ZNF135: variants seen among roughly 807,000 people sequenced by gnomAD.
The protein encoded by ZNF135 is zinc finger protein 135 (clone pHZ-17).
A neutral mutation model predicts 12.3 loss-of-function variants in ZNF135; 11 were observed. The observed-to-expected ratio is 0.89, with a 90% CI of 0.56 to 1.48. The LOEUF is 1.48. Ranked by LOEUF, ZNF135 falls within the 40% of genes most tolerant of loss-of-function variation. The pLI is 0.00. For synonymous variants in ZNF135, 316 were observed against 312.0 expected (o/e 1.01, Z -0.14); for missense variants, 722 against 815.7 (o/e 0.89, Z 1.40).
rs775668152 is a variant in ZNF135, at chr19:58,067,240, G to T, written c.756G>T (p.Arg252=). Residue 252 remains arginine (R), a synonymous_variant, in exon 5 of 5, where the codon CGG becomes CGT. Coordinates refer to ENST00000313434, the MANE Select transcript of ZNF135 (RefSeq NM_001289401.2). ...YECHECLKGF[R]NSSALTKHQR... ...GTCACGAATGCTTAAAAGGCTTCCG[G>T]AACAGCTCGGCACTTACCAAACACC... is the stretch of plus-strand genomic sequence containing the variant. The T allele has an allele frequency of 4.3e-6, 7 of 1,614,090 alleles. No individual in the cohort carries two copies. The Admixed American group carries it at 8.3e-5, about 19-fold the overall frequency.
intron 4 of ZNF135, among the ~76,000 whole-genome samples, chr19:58,064,574 C>T (rs2074035680): frequency 6.6e-6 from 1 of 152,008 alleles, no homozygotes; most frequent in Non-Finnish European, 1.5e-5. Context: ...TTATATAATA[C>T]ATATACAAAA....
rs903591035 is a variant in ZNF135 at position 58,059,382 on chromosome 19, G to A, written c.-35+72G>A. ...GGCCGGGCCGGGTGCGGGGGGTCCG[G>A]GGATCTTCCTGAGGCCCTGGCGGGG... is the stretch of plus-strand genomic sequence containing the variant. On this transcript the variant is annotated intron_variant, in intron 1 of 4. Coordinates refer to ENST00000313434, the MANE Select transcript of ZNF135 (RefSeq NM_001289401.2). The surrounding 1 kb of genome is among the most constrained non-coding windows in gnomAD (Gnocchi z 6.5). The A allele has an allele frequency of 1.3e-5, 11 of 837,356 alleles. No homozygotes were observed. The highest frequency in any genetic ancestry group is 6.9e-6 in the Non-Finnish European group (4 of 578,492). The allele number at this position is 837,356 out of a possible 1,614,324, so 51.9% of individuals were successfully genotyped here.
intron 3 of ZNF135, 110 bp downstream of exon 3, chr19:58,061,816 T>A: frequency 7.2e-7 from 1 of 1,389,274 alleles, no homozygotes; most frequent in Non-Finnish European, 9.6e-7. Flanking sequence ...CCTGGGGCTG[T>A]ATGTCTTGGG....
rs529238140 is a variant in ZNF135, at chr19:58,060,593, C to T, written c.33+558C>T. ...TCAGACGTCATGGAGGCCAAGGGGG[C>T]GGAACTCGCCTTTTTATGATGACAT... On this transcript the variant is annotated intron_variant, in intron 2 of 4. Transcript: ENST00000313434. This position sits in a 1 kb window ranked among gnomAD's most constrained non-coding sequence, Gnocchi z 4.9. Among the ~76,000 whole-genome samples the T allele has an allele frequency of 5.3e-5, 8 of 152,282 alleles. No homozygotes were observed. The highest frequency in any genetic ancestry group is 2.0e-4 in the Admixed American group (3 of 15,302).
At position 58,063,484 on chromosome 19, in the gene ZNF135, G is replaced by C; in HGVS notation, c.199G>C (p.Glu67Gln). The C allele has an allele frequency of 6.2e-7, 1 of 1,614,158 alleles. No individual in the cohort carries two copies. The highest frequency in any genetic ancestry group is 8.5e-7 in the Non-Finnish European group (1 of 1,180,020). ...LPKPNVISLL[E>Q]QEAELWAVES... Reference sequence around the variant, plus strand: ...GAAGCCGAATGTCATCTCCCTGCTGGAGCAAGAGGCAGAGCTGTGGGCGGT... The same window carrying C: ...GAAGCCGAATGTCATCTCCCTGCTGCAGCAAGAGGCAGAGCTGTGGGCGGT... The change falls in exon 4 of 5, where the codon GAG (glutamate) becomes CAG (glutamine). Residue 67 changes from glutamate to glutamine, a missense_variant. Physicochemically the swap from Glu to Gln is conservative, Grantham distance 29. Coordinates refer to ENST00000313434, the MANE Select transcript of ZNF135 (RefSeq NM_001289401.2). This position sits in a 1 kb window ranked among gnomAD's most constrained non-coding sequence, Gnocchi z 4.4.
At position 58,065,410 on chromosome 19, in the gene ZNF135, T is replaced by C. The variant is rs1445743366; in HGVS notation, c.257-1331T>C. 1.3e-5 allele frequency among the ~76,000 whole-genome samples: 2 copies of C among 152,162 alleles called. No homozygotes were observed. Among genetic ancestry groups the C allele is most frequent in the Admixed American group, 6.5e-5 (1 of 15,276 alleles). ...AAGGTCTCATCATTTTGCCCAGGCA[T>C]GTCTTGAACTCTTAGGCTCAAGGAG... On this transcript the variant is annotated intron_variant, in intron 4 of 4. Coordinates refer to ENST00000313434, the MANE Select transcript of ZNF135 (RefSeq NM_001289401.2). The surrounding 1 kb of genome is among the most constrained non-coding windows in gnomAD (Gnocchi z 4.0).
At position 58,067,515 on chromosome 19, in the gene ZNF135, A is replaced by T; in HGVS notation, c.1031A>T (p.His344Leu). The T allele has an allele frequency of 3.7e-6, 6 of 1,614,076 alleles. No individual in the cohort carries two copies. In the African/African-American group the frequency reaches 5.3e-5, roughly 14 times the overall value. The change falls in exon 5 of 5, where the codon CAT becomes CTT. Residue 344 changes from histidine to leucine, a missense_variant. Coordinates refer to ENST00000313434, the MANE Select transcript of ZNF135 (RefSeq NM_001289401.2). ...AFRQSIHLTQ[H>L]LRIHTGEKPY... is the part of the protein sequence containing the mutation. ...CGGCAAAGCATCCACCTCACCCAGC[A>T]TCTGCGAATCCACACTGGGGAGAAA...
Position 58,059,332 on chromosome 19 carries a change from G to C in ZNF135, c.-35+22G>C, listed in dbSNP as rs756552892. ...GAGGGTGAGCTAGGCCGGCGAGGAG[G>C]GGGAGGGGAGGCCAGGCCGGGCCGG... On this transcript the variant is annotated intron_variant, in intron 1 of 4. Transcript: ENST00000313434. The surrounding 1 kb of genome is among the most constrained non-coding windows in gnomAD (Gnocchi z 6.5). The C allele has an allele frequency of 2.2e-5, 34 of 1,521,830 alleles. No homozygotes were observed. Among genetic ancestry groups the C allele is most frequent in the Admixed American group, 9.6e-5 (5 of 51,870 alleles). The allele number at this position is 1,521,830 out of a possible 1,614,324, so 94.3% of individuals were successfully genotyped here.
intron 4 of ZNF135, among the ~76,000 whole-genome samples, chr19:58,066,303 C>T (rs771315436): frequency 2.6e-5 from 4 of 152,160 alleles, no homozygotes; most frequent in Admixed American, 6.5e-5. Flanking sequence ...CCATGCAGCA[C>T]GTTTTTCTCT....
At position 58,067,614 on chromosome 19, in the gene ZNF135, CAG is replaced by C. The variant is rs764804849; in HGVS notation, c.1131_1132del (p.Lys380AlafsTer6). ...TTGACCAAACACCAGCGAATCCACA[CAG>C]GGGAGAAGCCCTACGAGTGCCATGA... On this transcript the variant is annotated frameshift_variant, in exon 5 of 5. Coordinates refer to ENST00000313434, the MANE Select transcript of ZNF135 (RefSeq NM_001289401.2). LOFTEE classifies it low-confidence loss of function (END_TRUNC). The C allele has an allele frequency of 2.3e-5, 37 of 1,614,080 alleles. No individual in the cohort carries two copies. Among genetic ancestry groups the C allele is most frequent in the Middle Eastern group, 1.6e-4 (1 of 6,084 alleles).
rs1368680443 is a variant in ZNF135 at position 58,063,945 on chromosome 19, C to T, written c.256+404C>T. On this transcript the variant is annotated intron_variant, in intron 4 of 4. Transcript: ENST00000313434. The surrounding 1 kb of genome is among the most constrained non-coding windows in gnomAD (Gnocchi z 4.4). ...TGAGCCATGAGGCAGTCTGAGTGAA[C>T]AGTAGTATTTCAGGCAGAGGAAACA... Among the ~76,000 whole-genome samples the T allele has an allele frequency of 6.6e-6, 1 of 152,158 alleles. No homozygotes were observed. Among genetic ancestry groups the T allele is most frequent in the African/African-American group, 2.4e-5 (1 of 41,418 alleles).
Position 58,063,351 on chromosome 19 carries a change from C to T in ZNF135, c.161-95C>T, listed in dbSNP as rs1045932782. ...CTGAAGTCACTCAGGGGTCCCCAGCCATCTGGGACCTGGAAGACCAAAGGT... is the reference window on the plus strand; with the variant it reads ...CTGAAGTCACTCAGGGGTCCCCAGCTATCTGGGACCTGGAAGACCAAAGGT... On this transcript the variant is annotated intron_variant, in intron 3 of 4. Transcript: ENST00000313434. This position sits in a 1 kb window ranked among gnomAD's most constrained non-coding sequence, Gnocchi z 4.4. 8 of 1,559,394 alleles carry T rather than the reference C, an allele frequency of 5.1e-6. No individual in the cohort carries two copies. The highest frequency in any genetic ancestry group is 7.0e-6 in the Non-Finnish European group (8 of 1,149,448).
intron 4 of ZNF135, among the ~76,000 whole-genome samples, chr19:58,064,898 C>T (rs774134937): frequency 2.0e-5 from 3 of 151,970 alleles, no homozygotes; most frequent in Admixed American, 1.3e-4. Flanking sequence ...TCAAAAAAAA[C>T]AAAGTGTTAA....
rs574586838 is a variant in ZNF135 at position 58,062,687 on chromosome 19, G to A, written c.161-759G>A. Among the ~76,000 whole-genome samples the A allele has an allele frequency of 7.2e-4, 108 of 150,172 alleles. 1 individual carries two copies. The highest frequency in any genetic ancestry group is 2.4e-3 in the African/African-American group (96 of 40,774). On this transcript the variant is annotated intron_variant, in intron 3 of 4. Transcript: ENST00000313434. Reference sequence around the variant, plus strand: ...ATTACAGGCGTGAGCCACTGCGTCCGGCCTGAACCTTTTTTATTTTTAAGA... The same window carrying A: ...ATTACAGGCGTGAGCCACTGCGTCCAGCCTGAACCTTTTTTATTTTTAAGA...
Position 58,067,727 on chromosome 19 carries a change from T to A in ZNF135, c.1243T>A (p.Cys415Ser). 3 of 1,613,882 alleles carry A rather than the reference T, an allele frequency of 1.9e-6. No individual in the cohort carries two copies. Among genetic ancestry groups the A allele is most frequent in the Non-Finnish European group, 2.5e-6 (3 of 1,179,998 alleles). The change falls in exon 5 of 5, where the codon TGT becomes AGT. Residue 415 changes from cysteine to serine, a missense_variant. Coordinates refer to ENST00000313434, the MANE Select transcript of ZNF135 (RefSeq NM_001289401.2). ...AGAAAAGCCCTATGAGTGTGGTGAG[T>A]GTGGGAAAGCCTTCAGTCAGAGCAC... ...TGEKPYECGE[C>S]GKAFSQSTLL...
In ZNF135 at chr19:58,060,095, G is replaced by T. The variant is rs186076504; in HGVS notation, c.33+60G>T. On this transcript the variant is annotated intron_variant, in intron 2 of 4. Coordinates refer to ENST00000313434, the MANE Select transcript of ZNF135 (RefSeq NM_001289401.2). The surrounding 1 kb of genome is among the most constrained non-coding windows in gnomAD (Gnocchi z 4.9). ...CCTCGTGCCCGGCCTCCTCGCGCGC[G>T]GCCTTCTCACGCCCGGCCTCCTCTT... The T allele has an allele frequency of 7.5e-6, 12 of 1,604,866 alleles. No homozygotes were observed. The East Asian group carries it at 2.5e-4, about 33-fold the overall frequency.
chr19:58,062,690 C>G (rs1452864414), intron 3 of ZNF135, among the ~76,000 whole-genome samples: 2 of 152,034 alleles, frequency 1.3e-5, no homozygotes, highest in Admixed American at 6.6e-5. Flanking sequence ...TGCGTCCGGC[C>G]TGAACCTTTT....
rs1265002796 is a variant in ZNF135, at chr19:58,060,184, C to T, written c.33+149C>T. On this transcript the variant is annotated intron_variant, in intron 2 of 4. Transcript: ENST00000313434. This position sits in a 1 kb window ranked among gnomAD's most constrained non-coding sequence, Gnocchi z 4.9. ...GCCCGGCCCCTACTTGCGTGCCCGG[C>T]CCCTACTCGTGCCCGGCCTCTACTC... The T allele has an allele frequency of 6.6e-7, 1 of 1,514,316 alleles. No homozygotes were observed. Among genetic ancestry groups the T allele is most frequent in the Non-Finnish European group, 8.8e-7 (1 of 1,135,010 alleles). The allele number at this position is 1,514,316 out of a possible 1,614,324, so 93.8% of individuals were successfully genotyped here.
rs981245633 is a variant in ZNF135, at chr19:58,068,725, A to G, written c.*264A>G. The G allele has an allele frequency of 5.5e-5, 25 of 455,062 alleles. No homozygotes were observed. Among genetic ancestry groups the G allele is most frequent in the African/African-American group, 4.5e-4 (23 of 51,468 alleles). The allele number at this position is 455,062 out of a possible 1,614,324, so 28.2% of individuals were successfully genotyped here. ...TCAGGACCTTCAGCCTTGAACGCCC[A>G]TTAGTGCTATGTTATAGAACCTACA... On this transcript the variant is annotated 3_prime_UTR_variant, in exon 5 of 5. Transcript: ENST00000313434.
Sources: allele counts gnomAD v4.1 joint callset (sites outside exome capture counted in the v4.1 genomes callset), GRCh38; gene constraint gnomAD v4.1.1; non-coding constraint Gnocchi (gnomAD v3.1); transcripts MANE v1.5; gene names NCBI Gene and HGNC (gene_info 2026-07-23, HGNC 2026-07-21).